The following KDSR variants were observed in gnomAD, a reference collection of about 807,000 sequenced individuals.
KDSR encodes the protein 3-ketodihydrosphingosine reductase, also known as 3-dehydrosphinganine reductase.
KDSR carries 23 observed loss-of-function variants against 41.3 expected under a neutral mutation model. The ratio of observed to expected loss-of-function variants is 0.56; its 90% confidence interval spans 0.40 to 0.79. The LOEUF (loss-of-function observed/expected upper bound fraction) is 0.79. Among genes scored for constraint, KDSR ranks in the 30% least tolerant of loss-of-function variants. The pLI, the probability that KDSR is intolerant of heterozygous loss-of-function variation, is 0.00. For synonymous variants in KDSR, 138 were observed against 151.7 expected (o/e 0.91, Z 0.66); for missense variants, 351 against 416.8 (o/e 0.84, Z 1.37).
rs922368872 is a variant in KDSR at position 63,331,298 on chromosome 18, GAGAC to G, written c.*480_*483del. On this transcript the variant is annotated 3_prime_UTR_variant, in exon 10 of 10. Coordinates refer to ENST00000645214, the MANE Select transcript of KDSR (RefSeq NM_002035.4). ...AGAGAGAGAGAGACAGAGAGACAGA[GAGAC>G]AGAGAGACAGAGAGACAGAGAGACA... The G allele has an allele frequency of 6.3e-5, 14 of 221,002 alleles. No individual in the cohort carries two copies. The highest frequency in any genetic ancestry group is 2.9e-4 in the African/African-American group (12 of 42,102). The allele number at this position is 221,002 out of a possible 1,614,324, so 13.7% of individuals were successfully genotyped here. A position where few individuals can be genotyped will look rare whatever the true frequency, so the allele number is the denominator to read the frequency against.
At chr18:63,354,215 G>A (rs552551233) in intron 5 of KDSR, among the ~76,000 whole-genome samples, 1 of 152,246 alleles carries the variant, frequency 6.6e-6, no homozygotes, top group South Asian at 2.1e-4. Context: ...CTCACAGGAG[G>A]CTGGAGGACA....
Position 63,329,938 on chromosome 18 carries a change from G to A in KDSR, c.*1844C>T, listed in dbSNP as rs79241274. 1,491 of 190,906 alleles carry A rather than the reference G, an allele frequency of 7.8e-3. 22 individuals are homozygous for A. The highest frequency in any genetic ancestry group is 0.033 in the African/African-American group (1,407 of 43,080). The allele number at this position is 190,906 out of a possible 1,614,324, so 11.8% of individuals were successfully genotyped here. A position where few individuals can be genotyped will look rare whatever the true frequency, so the allele number is the denominator to read the frequency against. On this transcript the variant is annotated 3_prime_UTR_variant, in exon 10 of 10. Coordinates refer to ENST00000645214, the MANE Select transcript of KDSR (RefSeq NM_002035.4). ...CAACTCGATATAATCTGCAAACTTT[G>A]GCTCTGTAAGACTGAAAGATTTATG... is the stretch of plus-strand genomic sequence containing the variant.
chr18:63,358,189 T>C (rs1914857554), intron 3 of KDSR, among the ~76,000 whole-genome samples: 1 of 151,574 alleles, frequency 6.6e-6, no homozygotes, highest in South Asian at 2.1e-4. Context: ...AAATAAGAAA[T>C]AAATAATAAT....
At chr18:63,362,352 GAT>G (rs1915014157) in intron 2 of KDSR, among the ~76,000 whole-genome samples, 1 of 152,228 alleles carries the variant, frequency 6.6e-6, no homozygotes, top group African/African-American at 2.4e-5. Flanking sequence ...TTTCACTAGA[GAT>G]ATATATCATG....
rs1568273546 is a variant in KDSR at position 63,331,266 on chromosome 18, A to AGAGAGAG, written c.*515_*516insCTCTCTC. 1.3e-5 allele frequency: 2 copies of AGAGAGAG among 155,792 alleles called. No homozygotes were observed. Among genetic ancestry groups the AGAGAGAG allele is most frequent in the African/African-American group, 5.4e-5 (2 of 37,244 alleles). 9.7% of individuals were successfully genotyped at this position (155,792 alleles called of 1,614,324 possible). A position where few individuals can be genotyped will look rare whatever the true frequency, so the allele number is the denominator to read the frequency against. ...CTTGAATAAAATACACAAAGAAAGAAAGAGAGAGAGAGAGAGAGACAGAGA... is the reference window on the plus strand; with the variant it reads ...CTTGAATAAAATACACAAAGAAAGAAGAGAGAGAGAGAGAGAGAGAGAGAGACAGAGA... On this transcript the variant is annotated 3_prime_UTR_variant, in exon 10 of 10. Coordinates refer to ENST00000645214, the MANE Select transcript of KDSR (RefSeq NM_002035.4).
chr18:63,345,008 CCTA>C (rs1435722119), intron 6 of KDSR: 1 of 152,944 alleles, frequency 6.5e-6, no homozygotes, highest in Non-Finnish European at 1.5e-5. Context: ...TTTCTTGTGC[CCTA>C]CTCCAAACCC....
At chr18:63,354,567 C>G (rs1386906881) in intron 5 of KDSR, among the ~76,000 whole-genome samples, 1 of 151,944 alleles carries the variant, frequency 6.6e-6, no homozygotes, top group African/African-American at 2.4e-5. Context: ...ACTAGGGAGG[C>G]TGAAGCAGGA....
At chr18:63,365,576 T>TA (rs1915111935) in intron 1 of KDSR, among the ~76,000 whole-genome samples, 1 of 152,232 alleles carries the variant, frequency 6.6e-6, no homozygotes, top group South Asian at 2.1e-4. Context: ...TTATCTCACC[T>TA]ATGACCTGCC....
At chr18:63,340,817 G>A (rs977983588) in intron 7 of KDSR, among the ~76,000 whole-genome samples, 3 of 152,214 alleles carry the variant, frequency 2.0e-5, no homozygotes, top group Non-Finnish European at 4.4e-5. Flanking sequence ...TCACCACTAA[G>A]AGTAGTTATA....
chr18:63,361,705 C>T (rs1914994465), intron 2 of KDSR, among the ~76,000 whole-genome samples: 1 of 152,044 alleles, frequency 6.6e-6, no homozygotes, highest in South Asian at 2.1e-4. Context: ...GTCCCAGCTA[C>T]TCAGGAAGCT....
rs1161876774 is a variant in KDSR, at chr18:63,331,375, G to A, written c.*407C>T. On this transcript the variant is annotated 3_prime_UTR_variant, in exon 10 of 10. Transcript: ENST00000645214. ...GAGAAACCGAAAATTGTTTTTTTAT[G>A]GAAGGTTTAAACAAAGTCCTCAAGA... 3 of 233,154 alleles carry A rather than the reference G, an allele frequency of 1.3e-5. No homozygotes were observed. The highest frequency in any genetic ancestry group is 2.5e-5 in the Non-Finnish European group (3 of 118,234). 14.4% of individuals were successfully genotyped at this position (233,154 alleles called of 1,614,324 possible).
intron 6 of KDSR, among the ~76,000 whole-genome samples, chr18:63,349,561 A>G (rs965857598): frequency 6.6e-6 from 1 of 152,264 alleles, no homozygotes; most frequent in Non-Finnish European, 1.5e-5. Context: ...AGTTGATAAC[A>G]ATAAAATCTG....
In KDSR at chr18:63,328,790, A is replaced by G. The variant is rs1386557176; in HGVS notation, c.*2992T>C. 3 of 184,310 alleles carry G rather than the reference A, an allele frequency of 1.6e-5. No homozygotes were observed. Among genetic ancestry groups the G allele is most frequent in the Non-Finnish European group, 3.5e-5 (3 of 86,906 alleles). The allele number at this position is 184,310 out of a possible 1,614,324, so 11.4% of individuals were successfully genotyped here. A position where few individuals can be genotyped will look rare whatever the true frequency, so the allele number is the denominator to read the frequency against. On this transcript the variant is annotated 3_prime_UTR_variant, in exon 10 of 10. Transcript: ENST00000645214. ...TCCTTGAACATATTTGGGGATTTTT[A>G]TGGCTCAATGTTAATTTTTTAATAT...
chr18:63,348,881 C>A (rs1040306175), intron 6 of KDSR, among the ~76,000 whole-genome samples: 5 of 152,124 alleles, frequency 3.3e-5, no homozygotes, highest in Non-Finnish European at 7.3e-5. Flanking sequence ...AGTAAAGGGC[C>A]GGGGCAACTA....
chr18:63,344,052 C>T (rs1914426997), intron 7 of KDSR, among the ~76,000 whole-genome samples: 1 of 152,154 alleles, frequency 6.6e-6, no homozygotes, highest in African/African-American at 2.4e-5. Flanking sequence ...TGGCACATGC[C>T]TGTAGGCCCA....
intron 6 of KDSR, 49 bp downstream of exon 6, chr18:63,350,839 A>G (rs370831192): frequency 7.5e-7 from 1 of 1,341,482 alleles, no homozygotes; most frequent in East Asian, 2.3e-5. Flanking sequence ...AGCGGAATGT[A>G]TATTGCTGAG....
intron 7 of KDSR, among the ~76,000 whole-genome samples, chr18:63,343,336 A>C (rs1354389230): frequency 2.0e-5 from 3 of 151,882 alleles, no homozygotes; most frequent in Admixed American, 1.3e-4. Context: ...CTGGGATTAC[A>C]GGTGTGAGAC....
intron 2 of KDSR, 144 bp from the exon 3 acceptor site, chr18:63,359,936 C>G: frequency 1.5e-6 from 1 of 647,092 alleles, no homozygotes; most frequent in South Asian, 1.8e-5. Flanking sequence ...ATTGCATAGA[C>G]AGACTGGGCC....
chr18:63,339,073 A>C (rs983100112), intron 7 of KDSR, among the ~76,000 whole-genome samples, 190 bp from the exon 8 acceptor site: 1 of 152,270 alleles, frequency 6.6e-6, no homozygotes, highest in Non-Finnish European at 1.5e-5. Flanking sequence ...AATTCTACCC[A>C]GTAGCTAACA....
Sources: gnomAD v4.1 joint callset for allele counts (sites outside exome capture counted in the v4.1 genomes callset) on GRCh38, gnomAD v4.1.1 for gene constraint, MANE v1.5 for transcripts, NCBI Gene and HGNC (gene_info 2026-07-23, HGNC 2026-07-21) for gene names.